AKAP19: variants seen among roughly 807,000 people sequenced by gnomAD.
AKAP19 encodes small A-kinase anchoring protein.
At chr2:189,894,569 C>G in the AKAP19 span, among the ~76,000 whole-genome samples, 1 of 152,018 alleles carries the variant, frequency 6.6e-6, no homozygotes, top group Non-Finnish European at 1.5e-5. Context: ...CATCTGGTCT[C>G]TGTCTTCTCA....
chr2:190,018,394 A>T, the AKAP19 span, among the ~76,000 whole-genome samples: 2 of 151,492 alleles, frequency 1.3e-5, no homozygotes, highest in Admixed American at 6.6e-5. Flanking sequence ...CTTTGAGTTC[A>T]TTGATTCTTA....
the AKAP19 span, among the ~76,000 whole-genome samples, chr2:190,168,813 C>T: frequency 2.0e-5 from 3 of 152,182 alleles, no homozygotes; most frequent in Non-Finnish European, 4.4e-5. Flanking sequence ...GCCTGGATTT[C>T]ATTGTCCATA....
At chr2:190,181,786 A>C in the AKAP19 span, among the ~76,000 whole-genome samples, 1 of 152,220 alleles carries the variant, frequency 6.6e-6, no homozygotes, top group East Asian at 1.9e-4. Flanking sequence ...TTTTTAGATA[A>C]GAATTCGGAG....
the AKAP19 span, chr2:190,060,110 A>G: frequency 3.7e-6 from 6 of 1,612,618 alleles, no homozygotes; most frequent in African/African-American, 6.7e-5. Flanking sequence ...GATCATGACC[A>G]TTCTCATCTA....
chr2:190,085,752 T>C, the AKAP19 span, among the ~76,000 whole-genome samples: 1 of 152,230 alleles, frequency 6.6e-6, no homozygotes, highest in Non-Finnish European at 1.5e-5. Context: ...ATCCATACCA[T>C]ACAGTGACAA....
the AKAP19 span, chr2:189,923,900 C>T: frequency 6.2e-7 from 1 of 1,611,208 alleles, no homozygotes. Context: ...GGAGCTGACC[C>T]AGATAAAACA....
chr2:190,087,998 C>A, the AKAP19 span, among the ~76,000 whole-genome samples: 1 of 152,114 alleles, frequency 6.6e-6, no homozygotes, highest in Admixed American at 6.6e-5. Context: ...AGAAAAGAAC[C>A]TGGCTACCTG....
At chr2:190,080,764 C>T in the AKAP19 span, among the ~76,000 whole-genome samples, 1 of 152,184 alleles carries the variant, frequency 6.6e-6, no homozygotes, top group East Asian at 1.9e-4. Context: ...TTCAGATCAA[C>T]TATTTATAGA....
chr2:189,978,609 C>T, the AKAP19 span, among the ~76,000 whole-genome samples: 2,210 of 152,142 alleles, frequency 0.015, 71 homozygotes, highest in African/African-American at 0.05. Flanking sequence ...AGAGTGAGAC[C>T]CCATTTCAAA....
At chr2:189,882,831 C>T in the AKAP19 span, among the ~76,000 whole-genome samples, 3 of 151,908 alleles carry the variant, frequency 2.0e-5, no homozygotes, top group South Asian at 4.1e-4. Context: ...TTGTAGCCAT[C>T]TTATTTAGGA....
chr2:190,054,263 G>C, the AKAP19 span, among the ~76,000 whole-genome samples: 3 of 152,064 alleles, frequency 2.0e-5, no homozygotes, highest in African/African-American at 7.2e-5. Flanking sequence ...TTAATAAATG[G>C]TGCTGGGAAA....
the AKAP19 span, among the ~76,000 whole-genome samples, chr2:189,904,975 A>G: frequency 6.6e-6 from 1 of 152,006 alleles, no homozygotes; most frequent in Non-Finnish European, 1.5e-5. Flanking sequence ...AAGAGAATGT[A>G]TATTTATGTA....
chr2:189,964,205 G>C, the AKAP19 span, among the ~76,000 whole-genome samples: 2 of 152,186 alleles, frequency 1.3e-5, no homozygotes, highest in South Asian at 4.1e-4. Flanking sequence ...GTGATGAGGT[G>C]CATTGTCAAT....
the AKAP19 span, chr2:190,163,809 GA>G: frequency 6.6e-6 from 1 of 152,286 alleles, no homozygotes; most frequent in Non-Finnish European, 1.5e-5. Flanking sequence ...CCATTTTCCA[GA>G]AAGAATATGC....
the AKAP19 span, among the ~76,000 whole-genome samples, chr2:189,927,763 T>C: frequency 6.9e-4 from 105 of 152,308 alleles, no homozygotes; most frequent in Non-Finnish European, 3.4e-4. Context: ...GTCTAGTATA[T>C]AAGCCTGTGC....
chr2:189,987,013 G>A, the AKAP19 span, among the ~76,000 whole-genome samples: 1 of 152,138 alleles, frequency 6.6e-6, no homozygotes. Context: ...GTAAAACTTT[G>A]ATGTAGTTAC....
chr2:189,930,731 A>C, the AKAP19 span: 7 of 639,328 alleles, frequency 1.1e-5, no homozygotes, highest in African/African-American at 1.3e-4. Context: ...TCCATCATAC[A>C]GATCACACAC....
the AKAP19 span, among the ~76,000 whole-genome samples, chr2:190,155,084 C>T: frequency 6.6e-6 from 1 of 152,188 alleles, no homozygotes; most frequent in Non-Finnish European, 1.5e-5. Flanking sequence ...CAGGGACAGC[C>T]AACATAGAGG....
At chr2:190,143,492 C>T in the AKAP19 span, among the ~76,000 whole-genome samples, 180 of 152,232 alleles carry the variant, frequency 1.2e-3, 1 homozygote, top group African/African-American at 4.2e-3. Flanking sequence ...GTGTATAGCT[C>T]TTGGTGTTCT....
Sources: gnomAD v4.1 joint callset for allele counts (sites outside exome capture counted in the v4.1 genomes callset) on GRCh38, gnomAD v4.1.1 for gene constraint, MANE v1.5 for transcripts, NCBI Gene and HGNC (gene_info 2026-07-23, HGNC 2026-07-21) for gene names.